EML6: variants seen among roughly 807,000 people sequenced by gnomAD.
EML6 encodes the protein echinoderm microtubule-associated protein-like 6.
EML6 carries 154 observed loss-of-function variants against 240.1 expected under a neutral mutation model. The ratio of observed to expected loss-of-function variants is 0.64; its 90% CI spans 0.56 to 0.73. The LOEUF is 0.73. EML6 is among the 30% of genes least tolerant of loss of function. The pLI is 0.00. For synonymous variants in EML6, 1,148 were observed against 899.0 expected (o/e 1.28, Z -4.95); for missense variants, 2,964 against 2,474.6 (o/e 1.20, Z -4.20).
chr2:54,868,811 C>T (rs1247518198), intron 14 of EML6: 2 of 186,078 alleles, frequency 1.1e-5, no homozygotes, highest in Non-Finnish European at 2.2e-5. Context: ...AATAGGATTC[C>T]AGATGGAGGA....
At chr2:54,854,799 TC>T in intron 11 of EML6, among the ~76,000 whole-genome samples, 1 of 152,360 alleles carries the variant, frequency 6.6e-6, no homozygotes, top group South Asian at 2.1e-4. Flanking sequence ...CAGAATTATC[TC>T]AACATGCCCA....
intron 2 of EML6, among the ~76,000 whole-genome samples, chr2:54,768,525 A>G (rs1186378893): frequency 6.6e-6 from 1 of 152,220 alleles, no homozygotes; most frequent in African/African-American, 2.4e-5. Flanking sequence ...TCAATGGATT[A>G]TATTTAATCA....
intron 2 of EML6, among the ~76,000 whole-genome samples, chr2:54,730,333 T>C (rs540907474): frequency 2.0e-5 from 3 of 152,170 alleles, no homozygotes; most frequent in Admixed American, 6.5e-5. Context: ...CTAACAGCCA[T>C]GATTGGGCCT....
At chr2:54,735,102 C>G (rs1049799040) in intron 2 of EML6, among the ~76,000 whole-genome samples, 1 of 152,236 alleles carries the variant, frequency 6.6e-6, no homozygotes, top group Non-Finnish European at 1.5e-5. Context: ...TCCACTTATG[C>G]AGTCCTTCAC....
In EML6 at chr2:54,847,579, G is replaced by A. The variant is rs1217316574; in HGVS notation, c.1143G>A (p.Leu381=). 1 of 1,552,304 alleles carries A rather than the reference G, an allele frequency of 6.4e-7. No homozygotes were observed. The highest frequency in any genetic ancestry group is 1.2e-5 in the South Asian group (1 of 84,056). The change falls in exon 9 of 42, where the codon CTG becomes CTA. Residue 381 remains leucine (L), a synonymous_variant. Coordinates refer to ENST00000356458, the MANE Select transcript of EML6 (RefSeq NM_001039753.4). ...SVAFSPDGSQ[L]ALGMKDGSFI... The stretch of plus-strand genomic sequence containing the variant: ...CTTTCAGCCCCGACGGATCTCAGCT[G>A]GCCCTGGGCATGAAGGACGGCTCTT...
chr2:54,949,718 A>G lies in EML6; in HGVS notation c.4083+758A>G, dbSNP rs77779081. Among the ~76,000 whole-genome samples the G allele has an allele frequency of 1.2e-4, 18 of 152,240 alleles. No individual in the cohort carries two copies. In the East Asian group the frequency reaches 3.5e-3, roughly 29 times the overall value. On this transcript the variant is annotated intron_variant, in intron 29 of 41. Coordinates refer to ENST00000356458, the MANE Select transcript of EML6 (RefSeq NM_001039753.4). ...CACATTGCCAATGGGATTCAAGTTC[A>G]TGGTTTCAAAACCTTACCCAGAGCC...
chr2:54,937,015 C>G (rs1277668845), intron 28 of EML6, among the ~76,000 whole-genome samples: 1 of 149,300 alleles, frequency 6.7e-6, no homozygotes, highest in Non-Finnish European at 1.5e-5. Context: ...CACAGTGGCT[C>G]ACGCCTGTAA....
Position 54,928,442 on chromosome 2 carries a change from G to A in EML6, c.3805G>A (p.Glu1269Lys). The A allele has an allele frequency of 6.4e-7, 1 of 1,551,030 alleles. No individual in the cohort carries two copies. Among genetic ancestry groups the A allele is most frequent in the Non-Finnish European group, 8.7e-7 (1 of 1,146,574 alleles). Reference protein sequence around the residue: ...ADTALMIWTREFVGTQESKLV... With the variant: ...ADTALMIWTRKFVGTQESKLV... ...CACAGCCCTGATGATCTGGACCAGG[G>A]AGTTTGTGGGGACCCAGGAGAGCAA... The change falls in exon 27 of 42, where the codon GAG (glutamate) becomes AAG (lysine). Residue 1269 changes from glutamate (E) to lysine (K), a missense_variant. By Grantham distance (56) the Glu-to-Lys change is moderately conservative. Transcript: ENST00000356458.
chr2:54,789,469 A>G (rs11125546), intron 2 of EML6, among the ~76,000 whole-genome samples: 87,186 of 140,052 alleles, frequency 0.62, 27,127 homozygotes, highest in African/African-American at 0.75. Context: ...AGCCGAGATT[A>G]CGCCACTGCA....
chr2:54,970,441 G>T lies in EML6; in HGVS notation c.*346G>T. 3 of 257,270 alleles carry T rather than the reference G, an allele frequency of 1.2e-5. No individual in the cohort carries two copies. The highest frequency in any genetic ancestry group is 1.0e-4 in the South Asian group (1 of 9,944). The allele number at this position is 257,270 out of a possible 1,614,324, so 15.9% of individuals were successfully genotyped here. A position where few individuals can be genotyped will look rare whatever the true frequency, so the allele number is the denominator to read the frequency against. Reference sequence around the variant, plus strand: ...CCTCGGTTACCCTAACCAATATGTAGCTTTTAATTTGCATCAAAACTTTTA... The same window carrying T: ...CCTCGGTTACCCTAACCAATATGTATCTTTTAATTTGCATCAAAACTTTTA... On this transcript the variant is annotated 3_prime_UTR_variant, in exon 42 of 42. Coordinates refer to ENST00000356458, the MANE Select transcript of EML6 (RefSeq NM_001039753.4).
chr2:54,845,880 AG>A (rs1669723873), intron 8 of EML6, among the ~76,000 whole-genome samples: 1 of 152,190 alleles, frequency 6.6e-6, no homozygotes, highest in Non-Finnish European at 1.5e-5. Flanking sequence ...GCAGAGCTCT[AG>A]GTTCTCAGTC....
At chr2:54,851,902 C>G (rs769613006) in intron 10 of EML6, among the ~76,000 whole-genome samples, 2 of 152,134 alleles carry the variant, frequency 1.3e-5, no homozygotes, top group Non-Finnish European at 2.9e-5. Context: ...ATACTCCCAT[C>G]GTAACACAGA....
At chr2:54,940,798 T>G (rs1375342495) in intron 28 of EML6, among the ~76,000 whole-genome samples, 1 of 152,190 alleles carries the variant, frequency 6.6e-6, no homozygotes, top group Non-Finnish European at 1.5e-5. Flanking sequence ...CAAAATGACT[T>G]TTTGATCTTT....
intron 2 of EML6, among the ~76,000 whole-genome samples, chr2:54,783,414 T>C (rs1668940145): frequency 1.3e-5 from 2 of 152,340 alleles, no homozygotes; most frequent in South Asian, 2.1e-4. Context: ...ACATCACAAA[T>C]TGTTTTCTGT....
intron 10 of EML6, among the ~76,000 whole-genome samples, chr2:54,851,616 C>G (rs1176230810): frequency 6.6e-6 from 1 of 152,120 alleles, no homozygotes; most frequent in East Asian, 1.9e-4. Flanking sequence ...AAATCTGAAA[C>G]AATTGTAGAA....
chr2:54,906,925 C>G (rs149932721), intron 24 of EML6, among the ~76,000 whole-genome samples: 198 of 152,246 alleles, frequency 1.3e-3, no homozygotes, highest in Middle Eastern at 3.4e-3. Context: ...TGCCTTTGAT[C>G]CTGTCGAAAA....
intron 7 of EML6, among the ~76,000 whole-genome samples, chr2:54,833,686 A>G (rs1668989848): frequency 6.6e-6 from 1 of 152,172 alleles, no homozygotes; most frequent in Non-Finnish European, 1.5e-5. Context: ...GTGAAAGGGA[A>G]TTGTAGAGTT....
intron 28 of EML6, among the ~76,000 whole-genome samples, chr2:54,931,780 G>C (rs530787111): frequency 6.6e-6 from 1 of 152,286 alleles, no homozygotes; most frequent in African/African-American, 2.4e-5. Context: ...AGGGTCCTTA[G>C]CACTGTTTTG....
chr2:54,962,188 C>CA (rs905653009), intron 35 of EML6, among the ~76,000 whole-genome samples: 2 of 151,144 alleles, frequency 1.3e-5, no homozygotes, highest in African/African-American at 2.4e-5. Context: ...TGGGCTCAAG[C>CA]AATCCCCAAG....
Sources: gnomAD v4.1 joint callset for allele counts (sites outside exome capture counted in the v4.1 genomes callset) on GRCh38, gnomAD v4.1.1 for gene constraint, MANE v1.5 for transcripts, NCBI Gene and HGNC (gene_info 2026-07-23, HGNC 2026-07-21) for gene names.